PUS7: variants seen among roughly 807,000 people sequenced by gnomAD.
The protein encoded by PUS7 is pseudouridylate synthase 7 homolog.
PUS7 carries 48 observed loss-of-function variants against 79.8 expected under a neutral mutation model. The observed-to-expected ratio is 0.60, with a 90% CI of 0.48 to 0.76. The LOEUF is 0.76. Among genes scored for constraint, PUS7 ranks in the 30% least tolerant of loss-of-function variants. The probability of loss-of-function intolerance (pLI) is 0.00; values close to 1 mark genes in which losing one functional copy is unlikely to be tolerated. For missense variants in PUS7, 729 were observed against 797.6 expected, an observed-to-expected ratio of 0.91 and a Z score of 1.04; for synonymous variants, 286 against 272.2, an observed-to-expected ratio of 1.05 and a Z score of -0.50.
At chr7:105,483,649 C>A (rs1295753243) in intron 7 of PUS7, among the ~76,000 whole-genome samples, 1 of 151,714 alleles carries the variant, frequency 6.6e-6, no homozygotes, top group African/African-American at 2.4e-5. Context: ...CATGCCACCA[C>A]ACCTGGCTAT....
At chr7:105,462,783 C>T (rs1332366999) in intron 13 of PUS7, 33 bp from the exon 14 acceptor site, 7 of 1,592,174 alleles carry the variant, frequency 4.4e-6, no homozygotes, top group African/African-American at 1.3e-5. Flanking sequence ...AGTTGAAATG[C>T]AGCTTGTCAG....
At chr7:105,471,167 T>C (rs1195462563) in intron 10 of PUS7, among the ~76,000 whole-genome samples, 1 of 152,234 alleles carries the variant, frequency 6.6e-6, no homozygotes, top group Non-Finnish European at 1.5e-5. Context: ...ATGTCAAGTT[T>C]AACGGGTTAC....
chr7:105,473,050 C>T (rs146225914), intron 9 of PUS7, among the ~76,000 whole-genome samples: 76 of 151,800 alleles, frequency 5.0e-4, no homozygotes, highest in African/African-American at 1.6e-3. Context: ...CATAAGCCCC[C>T]GTGCCCGGCC....
intron 5 of PUS7, among the ~76,000 whole-genome samples, chr7:105,497,586 T>A (rs1362449949): frequency 6.6e-6 from 1 of 152,194 alleles, no homozygotes; most frequent in Non-Finnish European, 1.5e-5. Context: ...GAACAAGCCA[T>A]CTGCATATAA....
intron 11 of PUS7, among the ~76,000 whole-genome samples, chr7:105,469,914 A>G (rs1192795662): frequency 2.0e-5 from 3 of 152,212 alleles, no homozygotes; most frequent in African/African-American, 7.2e-5. Flanking sequence ...GGAAAAGTTT[A>G]CAAATTTGTG....
rs184756394 is a variant in PUS7 at position 105,459,498 on chromosome 7, T to C, written c.1758-239A>G. Among the ~76,000 whole-genome samples, 1,200 of 151,206 alleles carry C rather than the reference T, an allele frequency of 7.9e-3. 9 individuals are homozygous for C. The highest frequency in any genetic ancestry group is 0.028 in the African/African-American group (1,149 of 41,196). Reference sequence around the variant, plus strand: ...TGTCACCTAGGCTGGAGTGCAGTGGTGTGATCTTGGCTCACTGCAACCTCT... The same window carrying C: ...TGTCACCTAGGCTGGAGTGCAGTGGCGTGATCTTGGCTCACTGCAACCTCT... On this transcript the variant is annotated intron_variant, in intron 14 of 15. Transcript: ENST00000469408.
chr7:105,517,033 T>A (rs1825922558), intron 1 of PUS7, among the ~76,000 whole-genome samples: 1 of 152,120 alleles, frequency 6.6e-6, no homozygotes, highest in Admixed American at 6.6e-5. Flanking sequence ...GCTGCACAAA[T>A]ACACTATCCA....
In PUS7 at chr7:105,465,368, G is replaced by A. The variant is rs1209089711; in HGVS notation, c.1572C>T (p.Ile524=). The change falls in exon 13 of 16, where the codon ATC becomes ATT. Residue 524 remains isoleucine (I), a synonymous_variant. Transcript: ENST00000469408. The part of the protein sequence containing the change: ...IEEDDVNNYS[I]HDVVMPLPGF... ...CAGGCAAGGGCATTACCACATCATGGATAGAGTAATTATTAACATCATCTT... is the reference window on the plus strand; with the variant it reads ...CAGGCAAGGGCATTACCACATCATGAATAGAGTAATTATTAACATCATCTT... 1 of 1,613,712 alleles carries A rather than the reference G, an allele frequency of 6.2e-7. No individual in the cohort carries two copies. The highest frequency in any genetic ancestry group is 8.5e-7 in the Non-Finnish European group (1 of 1,179,714).
chr7:105,463,221 C>G (rs761553005), intron 13 of PUS7, among the ~76,000 whole-genome samples: 1 of 152,208 alleles, frequency 6.6e-6, no homozygotes, highest in East Asian at 1.9e-4. Context: ...TCAAGAGAGA[C>G]AGTTTTCCAG....
At chr7:105,474,855 C>T (rs977952680) in intron 9 of PUS7, among the ~76,000 whole-genome samples, 2 of 152,128 alleles carry the variant, frequency 1.3e-5, no homozygotes, top group African/African-American at 2.4e-5. Context: ...TCTGATTGTC[C>T]ACCTAATTCT....
At chr7:105,479,327 T>G (rs1562796834) in intron 9 of PUS7, among the ~76,000 whole-genome samples, 3 of 152,214 alleles carry the variant, frequency 2.0e-5, no homozygotes. Flanking sequence ...CTTCATAGTT[T>G]AGATGCTGAA....
At chr7:105,472,501 T>G (rs1031516236) in intron 9 of PUS7, among the ~76,000 whole-genome samples, 2 of 152,044 alleles carry the variant, frequency 1.3e-5, no homozygotes, top group African/African-American at 4.8e-5. Context: ...TCCCAAAGTG[T>G]TGGGATTACA....
intron 11 of PUS7, among the ~76,000 whole-genome samples, chr7:105,469,268 C>A (rs895993105): frequency 6.6e-6 from 1 of 151,182 alleles, no homozygotes; most frequent in East Asian, 1.9e-4. Context: ...TTCTTTTTTC[C>A]TTCTACTTTA....
intron 4 of PUS7, among the ~76,000 whole-genome samples, chr7:105,503,117 ATC>A (rs1825321760): frequency 6.6e-6 from 1 of 152,156 alleles, no homozygotes; most frequent in Non-Finnish European, 1.5e-5. Flanking sequence ...AATCTTTGTA[ATC>A]TCTCCATCAT....
chr7:105,488,237 T>A (rs757566688), intron 7 of PUS7, among the ~76,000 whole-genome samples: 10 of 152,084 alleles, frequency 6.6e-5, no homozygotes, highest in Non-Finnish European at 1.3e-4. Context: ...AGACTTCACA[T>A]CAGAAAACGC....
At chr7:105,508,736 G>A (rs1825575639) in intron 1 of PUS7, among the ~76,000 whole-genome samples, 192 bp from the exon 2 acceptor site, 1 of 151,060 alleles carries the variant, frequency 6.6e-6, no homozygotes, top group Non-Finnish European at 1.5e-5. Context: ...GTTAGGCGTG[G>A]GTGGCAGGCG....
intron 11 of PUS7, among the ~76,000 whole-genome samples, chr7:105,469,746 C>T (rs1823798664): frequency 6.6e-6 from 1 of 152,208 alleles, no homozygotes; most frequent in Non-Finnish European, 1.5e-5. Context: ...AGGCGTGAGC[C>T]ACTGCGCGGG....
intron 5 of PUS7, among the ~76,000 whole-genome samples, chr7:105,496,226 T>TATATAG (rs1197032072): frequency 6.2e-5 from 5 of 81,140 alleles, no homozygotes; most frequent in Admixed American, 2.0e-4. Flanking sequence ...TATATATATA[T>TATATAG]AGAGAGAGAG....
rs1179675013 is a variant in PUS7 at position 105,515,778 on chromosome 7, GTATTT to G, written c.-33+6269_-33+6273del. ...GAGTAGCTGGGCCCGACTAAGTTTT[GTATTT>G]TATTTTATTTTATTTATTTATTTAT... On this transcript the variant is annotated intron_variant, in intron 1 of 15. Coordinates refer to ENST00000469408, the MANE Select transcript of PUS7 (RefSeq NM_019042.5). Among the ~76,000 whole-genome samples, 257 of 136,440 alleles carry G rather than the reference GTATTT, an allele frequency of 1.9e-3. 3 individuals carry two copies. Among genetic ancestry groups the G allele is most frequent in the East Asian group, 3.4e-3 (16 of 4,740 alleles). The allele number at this position is 136,440 out of a possible 152,430, so 89.5% of individuals were successfully genotyped here.
Sources: gnomAD v4.1 joint callset for allele counts (sites outside exome capture counted in the v4.1 genomes callset) on GRCh38, gnomAD v4.1.1 for gene constraint, MANE v1.5 for transcripts, NCBI Gene and HGNC (gene_info 2026-07-23, HGNC 2026-07-21) for gene names.